UBE3B: variants seen among roughly 807,000 people sequenced by gnomAD.
UBE3B encodes ubiquitin protein ligase E3B, also known as ubiquitin-protein ligase E3B.
Under a neutral mutation model 132.3 loss-of-function variants are expected in UBE3B, and 80 were observed. The ratio of observed to expected loss-of-function variants is 0.60; its 90% CI spans 0.50 to 0.73. The LOEUF (loss-of-function observed/expected upper bound fraction) is 0.73. Among genes scored for constraint, UBE3B ranks in the 30% least tolerant of loss-of-function variants. The probability of loss-of-function intolerance (pLI) is 0.00; values close to 1 mark genes in which losing one functional copy is unlikely to be tolerated. For synonymous variants in UBE3B, 487 were observed against 520.4 expected (o/e 0.94, Z 0.87); for missense variants, 1,196 against 1,362.5 (o/e 0.88, Z 1.92).
At position 109,516,756 on chromosome 12, in the gene UBE3B, T is replaced by G; in HGVS notation, c.1957-9T>G. The G allele has an allele frequency of 6.2e-7, 1 of 1,610,534 alleles. No individual in the cohort carries two copies. Among genetic ancestry groups the G allele is most frequent in the Middle Eastern group, 1.7e-4 (1 of 6,038 alleles). ...CCCTGTTTTCTGATCCCGCCTTTGT[T>G]CATTTTAGAGAGTTCTACTGTTTCG... On this transcript the variant is annotated splice_polypyrimidine_tract_variant and intron_variant, in intron 18 of 27. Coordinates refer to ENST00000342494, the MANE Select transcript of UBE3B (RefSeq NM_130466.4).
intron 18 of UBE3B, among the ~76,000 whole-genome samples, chr12:109,515,172 C>T (rs1457496971): frequency 6.6e-6 from 1 of 151,916 alleles, no homozygotes; most frequent in Non-Finnish European, 1.5e-5. Context: ...CTAGGCCTCC[C>T]AAAGTGCTGG....
At chr12:109,519,536 A>T (rs1881454162) in intron 19 of UBE3B, 1 of 152,280 alleles carries the variant, frequency 6.6e-6, no homozygotes, top group Non-Finnish European at 1.5e-5. Context: ...CCACATAACC[A>T]CAAACGCATC....
intron 9 of UBE3B, among the ~76,000 whole-genome samples, chr12:109,493,904 C>A (rs1280467018): frequency 6.6e-6 from 1 of 152,234 alleles, no homozygotes; most frequent in Non-Finnish European, 1.5e-5. Flanking sequence ...GAGCTCACTG[C>A]AGCCTCAAAC....
chr12:109,533,125 A>G (rs372728834), intron 26 of UBE3B, among the ~76,000 whole-genome samples: 2 of 150,540 alleles, frequency 1.3e-5, no homozygotes, highest in African/African-American at 4.9e-5. Flanking sequence ...CCTCTTAACA[A>G]TCCCACAGGA....
chr12:109,488,036 A>T (rs1036665247), intron 6 of UBE3B, among the ~76,000 whole-genome samples: 3 of 152,216 alleles, frequency 2.0e-5, no homozygotes, highest in African/African-American at 4.8e-5. Context: ...TCTATGTGCC[A>T]GACACTGTTC....
chr12:109,527,312 G>T (rs1882457212), intron 24 of UBE3B, among the ~76,000 whole-genome samples: 1 of 152,144 alleles, frequency 6.6e-6, no homozygotes, highest in Admixed American at 6.5e-5. Context: ...CGGCCCTATT[G>T]TCACCTAATT....
chr12:109,543,597 C>T, the UBE3B span, among the ~76,000 whole-genome samples: 9 of 152,208 alleles, frequency 5.9e-5, no homozygotes, highest in Admixed American at 3.9e-4. Context: ...CCAACACTTT[C>T]GGAGGCAGAT....
chr12:109,525,080 T>G (rs1451323057), intron 23 of UBE3B, among the ~76,000 whole-genome samples: 3 of 152,152 alleles, frequency 2.0e-5, no homozygotes, highest in Non-Finnish European at 4.4e-5. Context: ...GCCATGAGCT[T>G]CTTAATGCAG....
chr12:109,529,261 T>C (rs1015313211), intron 24 of UBE3B, among the ~76,000 whole-genome samples: 1 of 152,222 alleles, frequency 6.6e-6, no homozygotes, highest in Non-Finnish European at 1.5e-5. Context: ...TATGCAGTTG[T>C]AGTTGAGGGC....
intron 14 of UBE3B, among the ~76,000 whole-genome samples, chr12:109,504,272 C>T (rs942263716): frequency 4.2e-4 from 64 of 152,336 alleles, no homozygotes; most frequent in African/African-American, 1.3e-3. Flanking sequence ...TCCCAACCAG[C>T]GTGACAGCCA....
At chr12:109,505,912 A>G (rs1161393106) in intron 14 of UBE3B, among the ~76,000 whole-genome samples, 2 of 152,248 alleles carry the variant, frequency 1.3e-5, no homozygotes, top group Non-Finnish European at 1.5e-5. Context: ...AAGGGCTCGT[A>G]TACAAGGTGA....
intron 26 of UBE3B, 72 bp downstream of exon 26, chr12:109,530,730 T>G: frequency 6.9e-7 from 1 of 1,451,478 alleles, no homozygotes; most frequent in Non-Finnish European, 9.6e-7. Context: ...ATGTAATAAT[T>G]TACGCTGAAG....
chr12:109,485,240 G>T (rs1876218160), intron 4 of UBE3B, among the ~76,000 whole-genome samples: 2 of 152,028 alleles, frequency 1.3e-5, no homozygotes. Context: ...GTTACCAGCT[G>T]TTAGGCTGTT....
rs11067105 is a variant in UBE3B at position 109,530,086 on chromosome 12, G to T, written c.2810+14G>T. On this transcript the variant is annotated intron_variant, in intron 25 of 27. Coordinates refer to ENST00000342494, the MANE Select transcript of UBE3B (RefSeq NM_130466.4). Reference sequence around the variant, plus strand: ...GGAAGATTTAAAGTAAGAGGCGGGTGGGGGGAAGGGTGAAATTCCTTGGCC... The same window carrying T: ...GGAAGATTTAAAGTAAGAGGCGGGTTGGGGGAAGGGTGAAATTCCTTGGCC... 6.8e-6 allele frequency: 11 copies of T among 1,611,396 alleles called. No individual in the cohort carries two copies. In the East Asian group the frequency reaches 1.3e-4, roughly 20 times the overall value.
Position 109,489,955 on chromosome 12 carries a change from C to G in UBE3B, c.581C>G (p.Ala194Gly). The stretch of plus-strand genomic sequence containing the variant: ...CGACCAGCGATGAACCACATTTGTG[C>G]AAATATAATGGGACATCTCAACCAG... Reference protein sequence around the residue: ...SLRPAMNHICANIMGHLNQHG... With the variant: ...SLRPAMNHICGNIMGHLNQHG... The change falls in exon 8 of 28, where the codon GCA becomes GGA. Residue 194 changes from alanine (A) to glycine (G), a missense_variant. By Grantham distance (60) the Ala-to-Gly change is moderately conservative. Coordinates refer to ENST00000342494, the MANE Select transcript of UBE3B (RefSeq NM_130466.4). 6.2e-7 allele frequency: 1 copy of G among 1,614,248 alleles called. No homozygotes were observed. Among genetic ancestry groups the G allele is most frequent in the Non-Finnish European group, 8.5e-7 (1 of 1,180,048 alleles).
In UBE3B at chr12:109,524,094, T is replaced by G; in HGVS notation, c.2481T>G (p.Tyr827Ter). The change falls in exon 22 of 28, where the codon TAT becomes TAG. Residue 827 changes from tyrosine (Y) to a stop codon, truncating the protein, a stop_gained. Coordinates refer to ENST00000342494, the MANE Select transcript of UBE3B (RefSeq NM_130466.4). LOFTEE classifies it high-confidence loss of function. ...TGCCTTCTCTGGACTCCGAGTTCTA[T>G]AAAAACCTCACCTCCATCAAGGTGA... The part of the protein sequence containing the change: ...DELPSLDSEF[Y>*]KNLTSIKRYD... The G allele has an allele frequency of 6.2e-7, 1 of 1,614,140 alleles. No individual in the cohort carries two copies. Among genetic ancestry groups the G allele is most frequent in the Middle Eastern group, 1.7e-4 (1 of 6,056 alleles).
At chr12:109,492,977 A>G (rs991959863) in intron 9 of UBE3B, among the ~76,000 whole-genome samples, 1 of 152,206 alleles carries the variant, frequency 6.6e-6, no homozygotes, top group African/African-American at 2.4e-5. Context: ...ACATATAGCC[A>G]GTGGCTACCA....
rs1878990700 is a variant in UBE3B at position 109,501,521 on chromosome 12, G to A, written c.1269G>A (p.Val423=). 3 of 1,613,602 alleles carry A rather than the reference G, an allele frequency of 1.9e-6. No individual in the cohort carries two copies. In the South Asian group the frequency reaches 3.3e-5, roughly 18 times the overall value. Residue 423 remains valine, a synonymous_variant, in exon 13 of 28, where the codon GTG becomes GTA. Coordinates refer to ENST00000342494, the MANE Select transcript of UBE3B (RefSeq NM_130466.4). ...AHAQPASPQN[V]LPVKSLLKRA... is the part of the protein sequence containing the mutation. ...CACAGCCAGCATCCCCTCAGAATGT[G>A]CTCCCAGTGAAGAGTGAGTGACGGG...
At chr12:109,490,846 G>C in intron 8 of UBE3B, 199 bp from the exon 9 acceptor site, 2 of 1,181,102 alleles carry the variant, frequency 1.7e-6, no homozygotes, top group Non-Finnish European at 1.1e-6. Flanking sequence ...AAGAGACAGG[G>C]TTGCCCTGTC....
Sources: gnomAD v4.1 joint callset for allele counts (sites outside exome capture counted in the v4.1 genomes callset) on GRCh38, gnomAD v4.1.1 for gene constraint, MANE v1.5 for transcripts, NCBI Gene and HGNC (gene_info 2026-07-23, HGNC 2026-07-21) for gene names.